The following KCNH5 variants were observed in gnomAD, a reference collection of about 807,000 sequenced individuals.
KCNH5 encodes potassium voltage-gated channel subfamily H member 5.
Under a neutral mutation model 96.1 loss-of-function variants are expected in KCNH5, and 46 were observed. That is an observed-to-expected ratio of 0.48 (90% CI 0.38 to 0.61). The LOEUF is 0.61. KCNH5 is among the 20% of genes least tolerant of loss of function. KCNH5 has a pLI of 0.00. For synonymous variants in KCNH5, 439 were observed against 449.8 expected (o/e 0.98, Z 0.30); for missense variants, 907 against 1,225.8 (o/e 0.74, Z 3.88).
intron 7 of KCNH5, among the ~76,000 whole-genome samples, chr14:62,878,466 G>A (rs953326974): frequency 6.6e-6 from 1 of 151,842 alleles, no homozygotes; most frequent in East Asian, 1.9e-4. Flanking sequence ...ATTGATAATT[G>A]GACTTCTTGA....
intron 7 of KCNH5, among the ~76,000 whole-genome samples, chr14:62,936,266 G>C (rs763655064): frequency 1.3e-5 from 2 of 152,110 alleles, no homozygotes; most frequent in African/African-American, 2.4e-5. Context: ...GCAAGGTCCA[G>C]GTCAAGTGTT....
intron 7 of KCNH5, among the ~76,000 whole-genome samples, chr14:62,933,862 G>A (rs1044370447): frequency 9.9e-5 from 15 of 152,172 alleles, no homozygotes; most frequent in Admixed American, 7.9e-4. Context: ...AACCAGAGAC[G>A]TGGAAAATAT....
At chr14:62,984,479 A>G (rs768432045) in intron 5 of KCNH5, among the ~76,000 whole-genome samples, 3 of 152,214 alleles carry the variant, frequency 2.0e-5, no homozygotes, top group Non-Finnish European at 4.4e-5. Context: ...CTCAAATTCC[A>G]TAGCTAAACC....
chr14:62,826,152 A>G (rs1887219439), intron 8 of KCNH5, among the ~76,000 whole-genome samples: 1 of 152,114 alleles, frequency 6.6e-6, no homozygotes, highest in Admixed American at 6.6e-5. Flanking sequence ...ATGCTGTGTT[A>G]AAGTGTCGTA....
At chr14:62,813,971 G>A (rs551994875) in intron 8 of KCNH5, among the ~76,000 whole-genome samples, 2 of 152,268 alleles carry the variant, frequency 1.3e-5, no homozygotes, top group Admixed American at 1.3e-4. Context: ...ACAATCTCTA[G>A]GGGTGTCAAA....
At chr14:62,995,349 A>G (rs1432816659) in intron 4 of KCNH5, among the ~76,000 whole-genome samples, 1 of 152,066 alleles carries the variant, frequency 6.6e-6, no homozygotes, top group African/African-American at 2.4e-5. Flanking sequence ...TGAATGCTAA[A>G]ACACTATTTC....
chr14:62,719,643 T>C (rs2139911797), intron 10 of KCNH5, among the ~76,000 whole-genome samples: 1 of 152,344 alleles, frequency 6.6e-6, no homozygotes, highest in Middle Eastern at 3.4e-3. Flanking sequence ...TACAGCTCAG[T>C]GTTTCCCTTA....
chr14:62,902,307 T>C (rs2140094000), intron 7 of KCNH5, among the ~76,000 whole-genome samples: 1 of 151,122 alleles, frequency 6.6e-6, no homozygotes, highest in South Asian at 2.1e-4. Flanking sequence ...ACTAGAATGG[T>C]GTTTCCTAGT....
chr14:62,799,718 T>TACAC (rs1566664214), intron 9 of KCNH5, among the ~76,000 whole-genome samples: 2 of 114,756 alleles, frequency 1.7e-5, no homozygotes, highest in South Asian at 6.7e-4. Context: ...TATATATATA[T>TACAC]ATATATATAC....
intron 9 of KCNH5, among the ~76,000 whole-genome samples, chr14:62,794,268 A>G (rs1401071338): frequency 2.6e-5 from 4 of 152,088 alleles, no homozygotes; most frequent in African/African-American, 9.7e-5. Flanking sequence ...TTTTTAAAAA[A>G]TAAAAATAAA....
intron 1 of KCNH5, among the ~76,000 whole-genome samples, chr14:63,037,393 T>C (rs1891741451): frequency 6.6e-6 from 1 of 152,148 alleles, no homozygotes; most frequent in African/African-American, 2.4e-5. Context: ...GCCTAGCACA[T>C]AGTAGGTACT....
intron 10 of KCNH5, among the ~76,000 whole-genome samples, chr14:62,731,738 C>A (rs1300788138): frequency 2.0e-5 from 3 of 152,104 alleles, no homozygotes; most frequent in African/African-American, 4.8e-5. Flanking sequence ...TTAAAAATAG[C>A]CCCCAAAAGA....
At chr14:63,024,151 G>A (rs1250879374) in intron 1 of KCNH5, among the ~76,000 whole-genome samples, 1 of 151,680 alleles carries the variant, frequency 6.6e-6, no homozygotes, top group Non-Finnish European at 1.5e-5. Flanking sequence ...AGAAGTTGCA[G>A]TGAACCGAGA....
intron 2 of KCNH5, among the ~76,000 whole-genome samples, chr14:63,013,098 G>A (rs565365143): frequency 1.3e-5 from 2 of 151,650 alleles, no homozygotes; most frequent in East Asian, 1.9e-4. Context: ...TGTGTGTCTG[G>A]TCCAATGTGG....
chr14:63,035,913 G>T (rs753069270), intron 1 of KCNH5, among the ~76,000 whole-genome samples: 1 of 152,200 alleles, frequency 6.6e-6, no homozygotes, highest in Non-Finnish European at 1.5e-5. Context: ...TAATTCTGGA[G>T]AGCCTCAGTG....
chr14:62,745,116 A>T (rs1300176359), intron 10 of KCNH5, among the ~76,000 whole-genome samples: 1 of 152,190 alleles, frequency 6.6e-6, no homozygotes, highest in Non-Finnish European at 1.5e-5. Flanking sequence ...CTGACACTGC[A>T]CAAATTGCCA....
chr14:62,793,196 A>G (rs556744873), intron 9 of KCNH5, among the ~76,000 whole-genome samples: 5 of 151,930 alleles, frequency 3.3e-5, no homozygotes, highest in African/African-American at 1.2e-4. Context: ...CAGTTATGCT[A>G]GATGAATTAA....
intron 1 of KCNH5, among the ~76,000 whole-genome samples, chr14:63,027,609 G>C (rs367548536): frequency 3.3e-5 from 2 of 60,486 alleles, no homozygotes; most frequent in South Asian, 1.5e-3. Context: ...TAGATATTTT[G>C]AAAAATGGTA....
At chr14:62,844,416 T>A (rs1595651381) in intron 8 of KCNH5, among the ~76,000 whole-genome samples, 1 of 152,234 alleles carries the variant, frequency 6.6e-6, no homozygotes, top group Non-Finnish European at 1.5e-5. Flanking sequence ...ATTTACTTCA[T>A]TTGAATTATT....
Sources: allele counts gnomAD v4.1 joint callset (sites outside exome capture counted in the v4.1 genomes callset), GRCh38; gene constraint gnomAD v4.1.1; transcripts MANE v1.5; gene names NCBI Gene and HGNC (gene_info 2026-07-23, HGNC 2026-07-21).